The following PHF8 variants were observed in gnomAD, a reference collection of about 807,000 sequenced individuals.
The protein encoded by PHF8 is histone lysine demethylase PHF8.
PHF8 carries 9 observed loss-of-function variants against 74.4 expected under a neutral mutation model. The ratio of observed to expected loss-of-function variants is 0.12; its 90% CI spans 0.07 to 0.21. The LOEUF is 0.21. PHF8 is among the 10% of genes least tolerant of loss of function. The pLI is 1.00. For synonymous variants in PHF8, 311 were observed against 316.6 expected, an observed-to-expected ratio of 0.98 and a Z score of 0.19; for missense variants, 478 against 816.6, an observed-to-expected ratio of 0.59 and a Z score of 5.05.
In PHF8 at chrX:53,993,292, C is replaced by T. The variant is rs188987820; in HGVS notation, c.1626+309G>A. ...CCCTACCCAGACAGAATCAACCCTC[C>T]TCTGTATCTCAGGGTCCCACACACA... is the stretch of plus-strand genomic sequence containing the variant. On this transcript the variant is annotated intron_variant, in intron 13 of 21. Transcript: ENST00000338154. 4.3e-3 allele frequency among the ~76,000 whole-genome samples: 483 copies of T among 111,857 alleles called. 4 individuals are homozygous for T. The highest frequency in any genetic ancestry group is 7.1e-3 in the Non-Finnish European group (380 of 53,150).
chrX:54,016,269 A>G (rs1327447055), intron 6 of PHF8, among the ~76,000 whole-genome samples: 9 of 111,034 alleles, frequency 8.1e-5, no homozygotes, highest in African/African-American at 2.9e-4. Flanking sequence ...CAAGGCGGGC[A>G]GATCACCTGA....
rs1475273394 is a variant in PHF8, at chrX:53,945,522, T to C, written c.2540-1279A>G. On this transcript the variant is annotated intron_variant, in intron 19 of 21. Coordinates refer to ENST00000338154, the MANE Select transcript of PHF8 (RefSeq NM_015107.3). ...GAAACTCTGTCTCAAAAAATAATAA[T>C]AATAATAAAATAATAATAAAAATAA... is the stretch of plus-strand genomic sequence containing the variant. 2.7e-5 allele frequency among the ~76,000 whole-genome samples: 3 copies of C among 109,867 alleles called. No individual in the cohort carries two copies. The South Asian group carries it at 1.2e-3, about 43-fold the overall frequency.
chrX:54,019,469 AT>A (rs2066128789), intron 4 of PHF8, among the ~76,000 whole-genome samples: 1 of 109,178 alleles, frequency 9.2e-6, no homozygotes, highest in South Asian at 4.0e-4. Context: ...CAAAAAAAAA[AT>A]CTACTTATTT....
intron 2 of PHF8, among the ~76,000 whole-genome samples, chrX:54,024,240 T>C (rs1248140202): frequency 9.8e-5 from 11 of 111,962 alleles, no homozygotes; most frequent in Admixed American, 8.5e-4. Context: ...CTGGGCAACA[T>C]AGGGTAACCC....
intron 2 of PHF8, among the ~76,000 whole-genome samples, chrX:54,024,124 T>G (rs1196116679): frequency 8.9e-6 from 1 of 111,873 alleles, no homozygotes; most frequent in Non-Finnish European, 1.9e-5. Context: ...AGATAATGTA[T>G]ATAAAGTGCA....
rs1557081896 is a variant in PHF8, at chrX:53,937,154, T to C, written c.*2004A>G. 1 of 110,561 alleles carries C rather than the reference T, an allele frequency of 9.0e-6. No individual in the cohort carries two copies. Among genetic ancestry groups the C allele is most frequent in the Non-Finnish European group, 1.9e-5 (1 of 52,813 alleles). The allele number at this position is 110,561 out of a possible 1,213,427, so 9.1% of individuals were successfully genotyped here. On this transcript the variant is annotated 3_prime_UTR_variant, in exon 22 of 22. Coordinates refer to ENST00000338154, the MANE Select transcript of PHF8 (RefSeq NM_015107.3). ...ATAACTCTGAGGGTAAACTTGCTTT[T>C]CATTGGAAACAACACAAAACAACAA...
intron 14 of PHF8, among the ~76,000 whole-genome samples, chrX:53,989,006 G>A (rs1471655823): frequency 2.8e-5 from 3 of 106,338 alleles, no homozygotes; most frequent in Non-Finnish European, 5.8e-5. Flanking sequence ...CTGTCGCCCA[G>A]GCTGGAGTAC....
chrX:54,044,565 T>C (rs1340427853), upstream of PHF8: 1 of 243,407 alleles, frequency 4.1e-6, no homozygotes. Flanking sequence ...AGGAGGGCGG[T>C]TCTCAGCCAC....
At chrX:53,944,538 T>G in intron 19 of PHF8, 1 of 272,555 alleles carries the variant, frequency 3.7e-6, no homozygotes, top group Non-Finnish European at 6.6e-6. Context: ...GAGGGTGAGG[T>G]GGGACCCTGT....
chrX:53,950,909 GA>G (rs1162795633), intron 19 of PHF8, among the ~76,000 whole-genome samples: 1 of 111,238 alleles, frequency 9.0e-6, no homozygotes, highest in Non-Finnish European at 1.9e-5. Context: ...CCATTCACAA[GA>G]AAAAAAATCA....
chrX:53,984,831 G>T, intron 18 of PHF8, 83 bp downstream of exon 18: 1 of 755,188 alleles, frequency 1.3e-6, no homozygotes, highest in Non-Finnish European at 2.1e-6. Context: ...TTCACTACAA[G>T]CTGTCCTCTA....
rs782240255 is a variant in PHF8, at chrX:53,938,410, T to C, written c.*748A>G. The stretch of plus-strand genomic sequence containing the variant: ...GCTCACCCTAAAACAAGTGGCCTCA[T>C]GTGTAGCCAGCTAAAAGTAGCTTCC... On this transcript the variant is annotated 3_prime_UTR_variant, in exon 22 of 22. Transcript: ENST00000338154. 5 of 815,140 alleles carry C rather than the reference T, an allele frequency of 6.1e-6. No individual in the cohort carries two copies. Among genetic ancestry groups the C allele is most frequent in the South Asian group, 6.0e-5 (1 of 16,693 alleles). 67.2% of individuals were successfully genotyped at this position (815,140 alleles called of 1,213,427 possible).
intron 16 of PHF8, 37 bp from the exon 17 acceptor site, chrX:53,985,986 G>C (rs782816109): frequency 5.0e-6 from 6 of 1,190,570 alleles, no homozygotes; most frequent in Non-Finnish European, 4.6e-6. Context: ...AGCTGCCCAG[G>C]ATTGGTCTGG....
intron 2 of PHF8, among the ~76,000 whole-genome samples, chrX:54,025,153 G>A (rs1280821181): frequency 8.9e-6 from 1 of 111,883 alleles, no homozygotes; most frequent in East Asian, 2.8e-4. Context: ...TGGGATTACA[G>A]GCATGAGCCA....
intron 4 of PHF8, among the ~76,000 whole-genome samples, chrX:54,021,455 T>C (rs954118589): frequency 4.4e-4 from 16 of 36,702 alleles, no homozygotes; most frequent in Non-Finnish European, 5.2e-4. Context: ...GTTGCAATTA[T>C]TTTTTTTTTT....
intron 18 of PHF8, among the ~76,000 whole-genome samples, chrX:53,973,001 C>A (rs1269266356): frequency 9.0e-6 from 1 of 111,458 alleles, no homozygotes; most frequent in African/African-American, 3.3e-5. Flanking sequence ...TTTACACCAA[C>A]AACAGACAAG....
intron 2 of PHF8, among the ~76,000 whole-genome samples, chrX:54,036,375 C>T (rs150565257): frequency 0.011 from 1,230 of 108,300 alleles, 21 homozygotes; most frequent in African/African-American, 0.038. Flanking sequence ...AGAACGATAA[C>T]AGGAAACTCT....
intron 18 of PHF8, among the ~76,000 whole-genome samples, chrX:53,979,425 T>TAC (rs2065444022): frequency 9.0e-6 from 1 of 111,671 alleles, no homozygotes; most frequent in Non-Finnish European, 1.9e-5. Context: ...AAAAACGCTT[T>TAC]ACCAAAAAGC....
At chrX:53,956,830 T>C (rs2065020783) in intron 19 of PHF8, among the ~76,000 whole-genome samples, 1 of 111,106 alleles carries the variant, frequency 9.0e-6, no homozygotes, top group Non-Finnish European at 1.9e-5. Context: ...ACTCTGATGC[T>C]AATAAAACAT....
Sources: gnomAD v4.1 joint callset for allele counts (sites outside exome capture counted in the v4.1 genomes callset) on GRCh38, gnomAD v4.1.1 for gene constraint, MANE v1.5 for transcripts, NCBI Gene and HGNC (gene_info 2026-07-23, HGNC 2026-07-21) for gene names.